Variants in LYVE1 observed in about 807,000 individuals in gnomAD.
LYVE1 encodes lymphatic vessel endothelial hyaluronic acid receptor 1.
In LYVE1, 29 loss-of-function variants were observed where a neutral mutation model predicts 31.5. The ratio of observed to expected loss-of-function variants is 0.92; its 90% CI spans 0.69 to 1.26. The LOEUF is 1.26. Ranked by LOEUF, LYVE1 falls within the 50% of genes most tolerant of loss-of-function variation. The pLI is 0.00. For missense variants in LYVE1, 376 were observed against 380.2 expected, an observed-to-expected ratio of 0.99 and a Z score of 0.09; for synonymous variants, 134 against 139.4, an observed-to-expected ratio of 0.96 and a Z score of 0.27.
rs143843236 is a variant in LYVE1, at chr11:10,564,281, G to C, written c.179C>G (p.Ala60Gly). ...QQLNFTEAKE[A>G]CRLLGLSLAG... Reference sequence around the variant, plus strand: ...CAAACTTAGTCCCAGCAGCCTACAGGCCTCCTTAGCTTCTGTGAAATTCAG... The same window carrying C: ...CAAACTTAGTCCCAGCAGCCTACAGCCCTCCTTAGCTTCTGTGAAATTCAG... Residue 60 changes from alanine to glycine, a missense_variant, in exon 2 of 6, where the codon GCC becomes GGC. Transcript: ENST00000256178. 16 of 1,614,158 alleles carry C rather than the reference G, an allele frequency of 9.9e-6. No individual in the cohort carries two copies. In the Admixed American group the frequency reaches 2.5e-4, roughly 25 times the overall value.
chr11:10,564,258 A>G lies in LYVE1; in HGVS notation c.202T>C (p.Leu68=), dbSNP rs1305350319. ...GTTTCAACTTGGTCCTTGCCGGCCAAACTTAGTCCCAGCAGCCTACAGGCC... is the reference window on the plus strand; with the variant it reads ...GTTTCAACTTGGTCCTTGCCGGCCAGACTTAGTCCCAGCAGCCTACAGGCC... ...KEACRLLGLS[L]AGKDQVETAL... The change falls in exon 2 of 6, where the codon TTG becomes CTG. Residue 68 remains leucine (L), a synonymous_variant. Transcript: ENST00000256178. 5 of 1,614,042 alleles carry G rather than the reference A, an allele frequency of 3.1e-6. No homozygotes were observed. The highest frequency in any genetic ancestry group is 1.7e-5 in the Admixed American group (1 of 60,008).
intron 1 of LYVE1, among the ~76,000 whole-genome samples, chr11:10,564,755 G>A (rs1450886652): frequency 6.6e-6 from 1 of 152,154 alleles, no homozygotes; most frequent in East Asian, 1.9e-4. Context: ...AGAATTCAGG[G>A]CTCTAGTTCA....
intron 3 of LYVE1, 90 bp from the exon 4 acceptor site, chr11:10,560,890 T>C: frequency 5.9e-6 from 6 of 1,024,502 alleles, no homozygotes; most frequent in Non-Finnish European, 8.8e-6. Flanking sequence ...CCAAACCCCT[T>C]ATACCGCAGC....
At chr11:10,566,217 C>G (rs1202202601) in intron 1 of LYVE1, among the ~76,000 whole-genome samples, 2 of 152,070 alleles carry the variant, frequency 1.3e-5, no homozygotes, top group African/African-American at 4.8e-5. Context: ...CCAAGCAACT[C>G]TTGTGCTTCA....
At chr11:10,567,100 T>C (rs1367424940) in intron 1 of LYVE1, among the ~76,000 whole-genome samples, 1 of 152,240 alleles carries the variant, frequency 6.6e-6, no homozygotes, top group Non-Finnish European at 1.5e-5. Context: ...ATATTTATTA[T>C]GTACTGCCTG....
chr11:10,565,038 A>G (rs1850508378), intron 1 of LYVE1, among the ~76,000 whole-genome samples: 1 of 152,212 alleles, frequency 6.6e-6, no homozygotes, highest in Non-Finnish European at 1.5e-5. Context: ...ACCTTAGCCT[A>G]GATACTTCAT....
At chr11:10,562,820 G>C (rs76992779) in intron 3 of LYVE1, among the ~76,000 whole-genome samples, 4,076 of 152,168 alleles carry the variant, frequency 0.027, 75 homozygotes, top group African/African-American at 0.056. Context: ...GACTGGGTCT[G>C]GTTCTTAAAA....
At chr11:10,561,073 A>C (rs1455559800) in intron 3 of LYVE1, among the ~76,000 whole-genome samples, 5 of 152,154 alleles carry the variant, frequency 3.3e-5, no homozygotes, top group Non-Finnish European at 7.4e-5. Flanking sequence ...AATTACTTGA[A>C]ATTCCTTGAT....
intron 1 of LYVE1, among the ~76,000 whole-genome samples, 160 bp downstream of exon 1, chr11:10,568,288 G>A (rs995755959): frequency 6.6e-6 from 1 of 152,212 alleles, no homozygotes; most frequent in African/African-American, 2.4e-5. Flanking sequence ...TTTTGGTGAA[G>A]TTGACAATAT....
rs1453799245 is a variant in LYVE1 at position 10,560,768 on chromosome 11, T to G, written c.430A>C (p.Ile144Leu). The G allele has an allele frequency of 3.1e-6, 5 of 1,612,804 alleles. No homozygotes were observed. The East Asian group carries it at 1.1e-4, about 36-fold the overall frequency. The stretch of plus-strand genomic sequence containing the variant: ...TTGAATATGGGATCTTTGGTGGTGA[T>G]AATTTCTGGAATGCACGAGTTAGTC... ...TWTNSCIPEI[I>L]TTKDPIFNTQ... The change falls in exon 4 of 6, where the codon ATC (isoleucine) becomes CTC (leucine). Residue 144 changes from isoleucine to leucine, a missense_variant. Physicochemically the swap from Ile to Leu is conservative, Grantham distance 5. Coordinates refer to ENST00000256178, the MANE Select transcript of LYVE1 (RefSeq NM_006691.4).
Position 10,560,627 on chromosome 11 carries a change from T to C in LYVE1, c.571A>G (p.Thr191Ala). The change falls in exon 4 of 6, where the codon ACT (threonine) becomes GCT (alanine). Residue 191 changes from threonine (T) to alanine (A), a missense_variant. Physicochemically the swap from Thr to Ala is moderately conservative, Grantham distance 58 (BLOSUM62 0). Coordinates refer to ENST00000256178, the MANE Select transcript of LYVE1 (RefSeq NM_006691.4). Reference protein sequence around the residue: ...PTTTPPAPASTSIPRRKKLIC... With the variant: ...PTTTPPAPASASIPRRKKLIC... Reference sequence around the variant, plus strand: ...AATTTTTTTCTCCGTGGAATAGAAGTGGAAGCTGGAGCAGGAGGAGTAGTA... The same window carrying C: ...AATTTTTTTCTCCGTGGAATAGAAGCGGAAGCTGGAGCAGGAGGAGTAGTA... 2 of 1,614,094 alleles carry C rather than the reference T, an allele frequency of 1.2e-6. No individual in the cohort carries two copies. The highest frequency in any genetic ancestry group is 2.2e-5 in the South Asian group (2 of 91,070).
rs765232698 is a variant in LYVE1 at position 10,568,512 on chromosome 11, C to T, written c.21G>A (p.Leu7=). 8.7e-6 allele frequency: 14 copies of T among 1,613,934 alleles called. No individual in the cohort carries two copies. Among genetic ancestry groups the T allele is most frequent in the Non-Finnish European group, 1.2e-5 (14 of 1,179,914 alleles). The change falls in exon 1 of 6, where the codon CTG becomes CTA. Residue 7 remains leucine (L), a synonymous_variant. Coordinates refer to ENST00000256178, the MANE Select transcript of LYVE1 (RefSeq NM_006691.4). ...TCCAGATGGAAGTGAGAAGCAACAC[C>T]AGGCTGAAGCACCTGGCCATCGTGC... MARCFS[L]VLLLTSIWTT...
At chr11:10,561,825 G>A (rs999438489) in intron 3 of LYVE1, among the ~76,000 whole-genome samples, 4 of 152,068 alleles carry the variant, frequency 2.6e-5, no homozygotes, top group Non-Finnish European at 4.4e-5. Flanking sequence ...TGGGGTTGGG[G>A]GGTGGGCTAG....
chr11:10,563,943 A>T lies in LYVE1; in HGVS notation c.394T>A (p.Ser132Thr). 6.2e-7 allele frequency: 1 copy of T among 1,614,144 alleles called. No individual in the cohort carries two copies. Among genetic ancestry groups the T allele is most frequent in the Non-Finnish European group, 8.5e-7 (1 of 1,180,030 alleles). ...RQFAAYCYNS[S>T]DTWTNSCIPE... is the part of the protein sequence containing the mutation. ...AAAGGTTGCAGATCAGACTCACCAG[A>T]TGAGTTGTAACAATAGGCTGCAAAC... Residue 132 changes from serine to threonine, a missense_variant, in exon 3 of 6, where the codon TCT (serine) becomes ACT (threonine). Physicochemically the swap from Ser to Thr is moderately conservative, Grantham distance 58. Transcript: ENST00000256178.
chr11:10,559,775 T>A, intron 5 of LYVE1, 41 bp downstream of exon 5: 1 of 1,572,118 alleles, frequency 6.4e-7, no homozygotes, highest in Non-Finnish European at 8.8e-7. Context: ...GATAGAAACA[T>A]GACAAAGATT....
intron 1 of LYVE1, 72 bp from the exon 2 acceptor site, chr11:10,564,446 C>T (rs1850495497): frequency 7.0e-7 from 1 of 1,421,968 alleles, no homozygotes; most frequent in South Asian, 1.2e-5. Context: ...TCCTTCCCAG[C>T]AGAGTATATC....
At position 10,564,384 on chromosome 11, in the gene LYVE1, A is replaced by T; in HGVS notation, c.86-10T>A. ...ACCTGGATGGAAAGCTCTGCAAAGG[A>T]ATCACATAGGTCCTCAGTTTGCTGC... On this transcript the variant is annotated splice_polypyrimidine_tract_variant and intron_variant, in intron 1 of 5. Transcript: ENST00000256178. 1 of 1,610,638 alleles carries T rather than the reference A, an allele frequency of 6.2e-7. No individual in the cohort carries two copies. Among genetic ancestry groups the T allele is most frequent in the Non-Finnish European group, 8.5e-7 (1 of 1,178,012 alleles).
At position 10,558,575 on chromosome 11, in the gene LYVE1, G is replaced by A. The variant is rs1850355599; in HGVS notation, c.*536C>T. 1 of 152,446 alleles carries A rather than the reference G, an allele frequency of 6.6e-6. No homozygotes were observed. Among genetic ancestry groups the A allele is most frequent in the African/African-American group, 2.4e-5 (1 of 41,448 alleles). 9.4% of individuals were successfully genotyped at this position (152,446 alleles called of 1,614,324 possible). On this transcript the variant is annotated 3_prime_UTR_variant, in exon 6 of 6. Transcript: ENST00000256178. ...TTACAGAGATTAGGTCTCAAGTTATGAGAATCTCCATGGCTTTCAGGGGCT... is the reference window on the plus strand; with the variant it reads ...TTACAGAGATTAGGTCTCAAGTTATAAGAATCTCCATGGCTTTCAGGGGCT...
Position 10,559,048 on chromosome 11 carries a change from T to C in LYVE1, c.*63A>G. On this transcript the variant is annotated 3_prime_UTR_variant, in exon 6 of 6. Coordinates refer to ENST00000256178, the MANE Select transcript of LYVE1 (RefSeq NM_006691.4). Reference sequence around the variant, plus strand: ...CTTTGGCCCTTTTGATTTCCCCAGCTGGGGCAGGGTAAGGAGCATGAAAGA... The same window carrying C: ...CTTTGGCCCTTTTGATTTCCCCAGCCGGGGCAGGGTAAGGAGCATGAAAGA... 6.8e-7 allele frequency: 1 copy of C among 1,472,412 alleles called. No individual in the cohort carries two copies. Among genetic ancestry groups the C allele is most frequent in the South Asian group, 1.3e-5 (1 of 78,980 alleles). The allele number at this position is 1,472,412 out of a possible 1,614,324, so 91.2% of individuals were successfully genotyped here.
Sources: allele counts gnomAD v4.1 joint callset (sites outside exome capture counted in the v4.1 genomes callset), GRCh38; gene constraint gnomAD v4.1.1; transcripts MANE v1.5; gene names NCBI Gene and HGNC (gene_info 2026-07-23, HGNC 2026-07-21).